Variants in SPNS3 observed in about 807,000 individuals in gnomAD.
SPNS3 encodes SPNS lysolipid transporter 3, sphingosine-1-phosphate (putative), also known as protein spinster homolog 3.
SPNS3 carries 51 observed loss-of-function variants against 54.4 expected under a neutral mutation model. That is an observed-to-expected ratio of 0.94 (90% confidence interval 0.75 to 1.18). The LOEUF (loss-of-function observed/expected upper bound fraction) is 1.18. Ranked by LOEUF, SPNS3 falls within the 50% of genes most tolerant of loss-of-function variation. The probability of loss-of-function intolerance (pLI) is 0.00; values close to 1 mark genes in which losing one functional copy is unlikely to be tolerated. For missense variants in SPNS3, 669 were observed against 677.4 expected (o/e 0.99, Z 0.14); for synonymous variants, 309 against 294.7 (o/e 1.05, Z -0.50).
rs907177822 is a variant in SPNS3, at chr17:4,483,245, G to A, written c.1180-2983G>A. On this transcript the variant is annotated intron_variant, in intron 9 of 11. Coordinates refer to ENST00000355530, the MANE Select transcript of SPNS3 (RefSeq NM_182538.5). The surrounding 1 kb of genome is among the most constrained non-coding windows in gnomAD (Gnocchi z 4.2). ...CTTGGGTGGCCCTGGTTTCGCCCTC[G>A]GCTATAAAGGGAACGGCCCTTCTAA... Among the ~76,000 whole-genome samples the A allele has an allele frequency of 3.3e-5, 5 of 152,286 alleles. No homozygotes were observed. The highest frequency in any genetic ancestry group is 1.9e-4 in the East Asian group (1 of 5,182).
At chr17:4,434,506 T>TA (rs1444152667) in intron 1 of SPNS3, among the ~76,000 whole-genome samples, 24 of 152,030 alleles carry the variant, frequency 1.6e-4, no homozygotes, top group African/African-American at 2.4e-4. Context: ...TTTATTTATT[T>TA]TTTTTTTTGA....
rs367748115 is a variant in SPNS3 at position 4,446,041 on chromosome 17, C to T, written c.403-7C>T. 56 of 1,598,604 alleles carry T rather than the reference C, an allele frequency of 3.5e-5. No homozygotes were observed. The highest frequency in any genetic ancestry group is 3.3e-5 in the South Asian group (3 of 89,984). On this transcript the variant is annotated splice_polypyrimidine_tract_variant and splice_region_variant and intron_variant, in intron 3 of 11. Coordinates refer to ENST00000355530, the MANE Select transcript of SPNS3 (RefSeq NM_182538.5). ...AACTCACCGTGGTCTTGTGCCTGCT[C>T]GCCCAGTATTCTTGGCTCTTCTTCC...
At chr17:4,446,837 G>A in intron 4 of SPNS3, 59 bp from the exon 5 acceptor site, 1 of 1,527,998 alleles carries the variant, frequency 6.5e-7, no homozygotes, top group Non-Finnish European at 9.1e-7. Context: ...GGCTGGTGGT[G>A]GGGTCTGCCT....
chr17:4,474,154 T>C (rs986713660), intron 8 of SPNS3, among the ~76,000 whole-genome samples: 6 of 152,192 alleles, frequency 3.9e-5, no homozygotes, highest in Admixed American at 1.3e-4. Context: ...CCGAATTGTC[T>C]GGGAGGACGC....
chr17:4,445,874 C>T (rs1043030244), intron 3 of SPNS3, among the ~76,000 whole-genome samples, 174 bp from the exon 4 acceptor site: 6 of 152,022 alleles, frequency 3.9e-5, no homozygotes, highest in African/African-American at 1.4e-4. Context: ...CTGCAGGGGA[C>T]ACACGTTTGA....
intron 1 of SPNS3, among the ~76,000 whole-genome samples, chr17:4,439,429 G>C (rs1597300350): frequency 6.6e-6 from 1 of 152,256 alleles, no homozygotes; most frequent in East Asian, 1.9e-4. Context: ...CCCAGCCAAG[G>C]GATGCTTGTT....
intron 8 of SPNS3, among the ~76,000 whole-genome samples, chr17:4,467,401 G>T (rs1192096025): frequency 6.6e-6 from 1 of 152,022 alleles, no homozygotes. Context: ...CTGCTGGTTT[G>T]CCTGTGTCCG....
In SPNS3 at chr17:4,446,973, C is replaced by T. The variant is rs768534354; in HGVS notation, c.621+11C>T. 14 of 1,613,958 alleles carry T rather than the reference C, an allele frequency of 8.7e-6. No individual in the cohort carries two copies. Among genetic ancestry groups the T allele is most frequent in the Non-Finnish European group, 1.1e-5 (13 of 1,179,860 alleles). ...CGCTGGGCCCTCCGAGTGAGTCCAGCTTCCTTTTCTTCCCTCTGCTTTCCC... is the reference window on the plus strand; with the variant it reads ...CGCTGGGCCCTCCGAGTGAGTCCAGTTTCCTTTTCTTCCCTCTGCTTTCCC... On this transcript the variant is annotated intron_variant, in intron 5 of 11. Transcript: ENST00000355530.
At chr17:4,475,509 C>A (rs28650201) in intron 8 of SPNS3, among the ~76,000 whole-genome samples, 1 of 152,140 alleles carries the variant, frequency 6.6e-6, no homozygotes, top group Non-Finnish European at 1.5e-5. Context: ...CATGTAGGGA[C>A]CCCCCAACCC....
At chr17:4,443,330 C>T (rs917561221) in intron 2 of SPNS3, among the ~76,000 whole-genome samples, 1 of 152,206 alleles carries the variant, frequency 6.6e-6, no homozygotes, top group Admixed American at 6.5e-5. Flanking sequence ...CTTGGCTTCC[C>T]AAAGTGCTGG....
intron 7 of SPNS3, among the ~76,000 whole-genome samples, chr17:4,452,527 G>A (rs953619016): frequency 2.6e-5 from 4 of 152,090 alleles, no homozygotes; most frequent in African/African-American, 9.7e-5. Flanking sequence ...AGGAGGGAGG[G>A]CGTGTAGAGA....
At position 4,445,143 on chromosome 17, in the gene SPNS3, T is replaced by C; in HGVS notation, c.377T>C (p.Leu126Pro). The part of the protein sequence containing the change: ...FGILLWSGAG[L>P]SSSFISPRYS... ...ATCTTGCTGTGGTCAGGAGCTGGCC[T>C]CTCTAGCTCCTTCATCTCCCCCCGG... Residue 126 changes from leucine (L) to proline (P), a missense_variant, in exon 3 of 12, where the codon CTC (leucine) becomes CCC (proline). Coordinates refer to ENST00000355530, the MANE Select transcript of SPNS3 (RefSeq NM_182538.5). 6.2e-7 allele frequency: 1 copy of C among 1,613,708 alleles called. No individual in the cohort carries two copies.
At chr17:4,478,416 A>G (rs1972067306) in intron 8 of SPNS3, among the ~76,000 whole-genome samples, 156 bp from the exon 9 acceptor site, 1 of 152,074 alleles carries the variant, frequency 6.6e-6, no homozygotes. Flanking sequence ...CTGGAACTGG[A>G]AAAATAGTTC....
chr17:4,444,656 C>T (rs780183464), intron 2 of SPNS3, among the ~76,000 whole-genome samples: 17 of 152,116 alleles, frequency 1.1e-4, no homozygotes, highest in Non-Finnish European at 2.1e-4. Flanking sequence ...TCCAGGCTCA[C>T]GGGGGTCATG....
intron 8 of SPNS3, among the ~76,000 whole-genome samples, chr17:4,456,754 G>T (rs550011069): frequency 1.3e-5 from 2 of 151,506 alleles, no homozygotes; most frequent in Non-Finnish European, 1.5e-5. Context: ...TCACTCTGTC[G>T]CCCAGGCTGG....
intron 8 of SPNS3, among the ~76,000 whole-genome samples, chr17:4,477,461 C>T (rs771211465): frequency 5.9e-5 from 9 of 151,734 alleles, no homozygotes; most frequent in Non-Finnish European, 1.2e-4. Flanking sequence ...CTGCAATAAG[C>T]TCTTGGAAGC....
chr17:4,455,927 G>T (rs1971301438), intron 8 of SPNS3, among the ~76,000 whole-genome samples: 1 of 148,472 alleles, frequency 6.7e-6, no homozygotes, highest in South Asian at 2.1e-4. Flanking sequence ...TGGGGGGGGG[G>T]TGAGTGTCAC....
At chr17:4,476,909 C>G (rs982967028) in intron 8 of SPNS3, among the ~76,000 whole-genome samples, 1 of 152,246 alleles carries the variant, frequency 6.6e-6, no homozygotes, top group Non-Finnish European at 1.5e-5. Flanking sequence ...ATGGTGGCCA[C>G]ATCCCAGCTC....
chr17:4,482,113 C>G (rs1210378154), intron 9 of SPNS3: 2 of 152,372 alleles, frequency 1.3e-5, no homozygotes, highest in Non-Finnish European at 2.9e-5. Context: ...GTCTCGATCT[C>G]TTGACCTCAT....
Sources: gnomAD v4.1 joint callset for allele counts (sites outside exome capture counted in the v4.1 genomes callset) on GRCh38, gnomAD v4.1.1 for gene constraint, Gnocchi (gnomAD v3.1) non-coding constraint, MANE v1.5 for transcripts, NCBI Gene and HGNC (gene_info 2026-07-23, HGNC 2026-07-21) for gene names.